The following KCTD8 variants were observed in gnomAD, a reference collection of about 807,000 sequenced individuals.
The protein encoded by KCTD8 is BTB/POZ domain-containing protein KCTD8.
A neutral mutation model predicts 31.5 loss-of-function variants in KCTD8; 27 were observed. The ratio of observed to expected loss-of-function variants is 0.86; its 90% CI spans 0.63 to 1.18. KCTD8 has a LOEUF of 1.18. Ranked by LOEUF, KCTD8 falls within the 50% of genes most tolerant of loss-of-function variation. The probability of loss-of-function intolerance (pLI) is 0.00; values close to 1 mark genes in which losing one functional copy is unlikely to be tolerated. For missense variants in KCTD8, 658 were observed against 647.7 expected (o/e 1.02, Z -0.17); for synonymous variants, 290 against 280.0 (o/e 1.04, Z -0.36).
intron 1 of KCTD8, among the ~76,000 whole-genome samples, chr4:44,341,671 C>T (rs1431187758): frequency 6.6e-6 from 1 of 152,134 alleles, no homozygotes; most frequent in Non-Finnish European, 1.5e-5. Flanking sequence ...TGCAGCACTC[C>T]ACTTTGAAAT....
chr4:44,433,950 A>G (rs1482685812), intron 1 of KCTD8, among the ~76,000 whole-genome samples: 1 of 151,900 alleles, frequency 6.6e-6, no homozygotes, highest in East Asian at 1.9e-4. Flanking sequence ...TTCTATGTGC[A>G]GTCTGCTGCC....
chr4:44,393,932 G>T (rs180933354), intron 1 of KCTD8, among the ~76,000 whole-genome samples: 26 of 151,722 alleles, frequency 1.7e-4, no homozygotes, highest in African/African-American at 6.3e-4. Flanking sequence ...TGCCTATACG[G>T]TGTATATTTA....
intron 1 of KCTD8, among the ~76,000 whole-genome samples, chr4:44,357,189 C>T (rs1166196060): frequency 6.6e-6 from 1 of 151,212 alleles, no homozygotes; most frequent in Admixed American, 6.6e-5. Context: ...ACTCCCCTTT[C>T]AAAGATGAGA....
chr4:44,299,558 A>G (rs1246838638), intron 1 of KCTD8, among the ~76,000 whole-genome samples: 3 of 152,000 alleles, frequency 2.0e-5, no homozygotes, highest in Non-Finnish European at 4.4e-5. Flanking sequence ...GTGAAACTCC[A>G]TCTTTCTAAA....
At chr4:44,408,642 C>T (rs1049133554) in intron 1 of KCTD8, among the ~76,000 whole-genome samples, 1 of 152,092 alleles carries the variant, frequency 6.6e-6, no homozygotes, top group Non-Finnish European at 1.5e-5. Context: ...TGTTTTTAGA[C>T]GGAGTCTTGC....
At chr4:44,447,127 C>A (rs1340443469) in intron 1 of KCTD8, among the ~76,000 whole-genome samples, 1 of 152,212 alleles carries the variant, frequency 6.6e-6, no homozygotes, top group Non-Finnish European at 1.5e-5. Flanking sequence ...GGCATCCTGC[C>A]CTCTGCAGGG....
chr4:44,238,288 T>C (rs1240148599), intron 1 of KCTD8, among the ~76,000 whole-genome samples: 1 of 152,046 alleles, frequency 6.6e-6, no homozygotes, highest in East Asian at 1.9e-4. Flanking sequence ...CAATTTAGGT[T>C]GTGGATGGTG....
At chr4:44,280,769 T>A (rs900355651) in intron 1 of KCTD8, among the ~76,000 whole-genome samples, 4 of 152,110 alleles carry the variant, frequency 2.6e-5, no homozygotes, top group African/African-American at 7.2e-5. Flanking sequence ...CTAGATAAAA[T>A]TCTTGCAACC....
intron 1 of KCTD8, among the ~76,000 whole-genome samples, chr4:44,285,844 GGTAAA>G (rs1717050269): frequency 6.6e-6 from 1 of 151,838 alleles, no homozygotes; most frequent in Non-Finnish European, 1.5e-5. Context: ...TTCCTCTGAT[GGTAAA>G]GTAAACTGAA....
intron 1 of KCTD8, among the ~76,000 whole-genome samples, chr4:44,348,216 A>T (rs17599703): frequency 0.12 from 18,071 of 152,254 alleles, 1,304 homozygotes; most frequent in East Asian, 0.24. Context: ...AAAATGGCAC[A>T]GTTAATTGGG....
chr4:44,445,723 GC>G (rs1287767629), intron 1 of KCTD8, among the ~76,000 whole-genome samples: 1 of 152,132 alleles, frequency 6.6e-6, no homozygotes. Flanking sequence ...GAACATTCAT[GC>G]TTGTATCTTC....
chr4:44,358,400 G>A (rs975890898), intron 1 of KCTD8, among the ~76,000 whole-genome samples: 4 of 151,982 alleles, frequency 2.6e-5, no homozygotes, highest in African/African-American at 9.7e-5. Flanking sequence ...ATAATCCTTT[G>A]GGTATATACC....
intron 1 of KCTD8, among the ~76,000 whole-genome samples, chr4:44,252,221 T>C (rs1715859531): frequency 6.6e-6 from 1 of 151,824 alleles, no homozygotes; most frequent in African/African-American, 2.4e-5. Flanking sequence ...TGGTATTCCA[T>C]TGTATCCATT....
chr4:44,288,063 G>A (rs1717155467), intron 1 of KCTD8, among the ~76,000 whole-genome samples: 1 of 152,112 alleles, frequency 6.6e-6, no homozygotes, highest in Admixed American at 6.6e-5. Context: ...TTAAATATAT[G>A]TCAAATTTTC....
chr4:44,316,814 A>AAAAAAAAAAG (rs1335547854), intron 1 of KCTD8, among the ~76,000 whole-genome samples: 1 of 139,096 alleles, frequency 7.2e-6, no homozygotes, highest in Non-Finnish European at 1.5e-5. Context: ...AAAAAAAAAA[A>AAAAAAAAAAG]AAAAAAAAAG....
intron 1 of KCTD8, among the ~76,000 whole-genome samples, chr4:44,331,731 TTATATATA>T (rs368728228): frequency 6.8e-6 from 1 of 147,674 alleles, no homozygotes; most frequent in Non-Finnish European, 1.5e-5. Context: ...ATATATAGTT[TTATATATA>T]TATATATGTA....
At chr4:44,365,179 T>C (rs76817374) in intron 1 of KCTD8, among the ~76,000 whole-genome samples, 10,951 of 152,144 alleles carry the variant, frequency 0.072, 463 homozygotes, top group South Asian at 0.11. Context: ...GGTGGGCATA[T>C]GGGAACTCCC....
chr4:44,188,665 G>T (rs1713666845), intron 1 of KCTD8, among the ~76,000 whole-genome samples: 1 of 152,154 alleles, frequency 6.6e-6, no homozygotes, highest in Admixed American at 6.6e-5. Context: ...TATCCCACTG[G>T]ACCCTAAAGT....
At chr4:44,365,653 G>T (rs76448117) in intron 1 of KCTD8, among the ~76,000 whole-genome samples, 10,792 of 152,174 alleles carry the variant, frequency 0.071, 458 homozygotes, top group South Asian at 0.11. Flanking sequence ...TGGGATAGAG[G>T]ACAGTATCAC....
Sources: allele counts gnomAD v4.1 joint callset (sites outside exome capture counted in the v4.1 genomes callset), GRCh38; gene constraint gnomAD v4.1.1; transcripts MANE v1.5; gene names NCBI Gene and HGNC (gene_info 2026-07-23, HGNC 2026-07-21).